Variants in NEK10 observed in about 807,000 individuals in gnomAD.
NEK10 encodes the protein NIMA related kinase 10.
NEK10 carries 122 observed loss-of-function variants against 159.8 expected under a neutral mutation model. The observed-to-expected ratio is 0.76, with a 90% CI of 0.66 to 0.89. The LOEUF (loss-of-function observed/expected upper bound fraction) is 0.89, where lower values mean the gene tolerates loss of function less well. Ranked by LOEUF, NEK10 falls within the 40% of genes least tolerant of loss-of-function variation. The pLI, the probability that NEK10 is intolerant of heterozygous loss-of-function variation, is 0.00. For missense variants in NEK10, 1,342 were observed against 1,323.1 expected, an observed-to-expected ratio of 1.01 and a Z score of -0.22; for synonymous variants, 466 against 457.1, an observed-to-expected ratio of 1.02 and a Z score of -0.25.
intron 35 of NEK10, among the ~76,000 whole-genome samples, chr3:27,112,985 T>C (rs1473302186): frequency 1.3e-5 from 2 of 152,242 alleles, no homozygotes; most frequent in African/African-American, 2.4e-5. Flanking sequence ...GTTTGTGGAT[T>C]AGTAGGTGCT....
chr3:27,205,211 T>G (rs1174985101), intron 23 of NEK10, among the ~76,000 whole-genome samples: 2 of 151,220 alleles, frequency 1.3e-5, no homozygotes, highest in Non-Finnish European at 3.0e-5. Flanking sequence ...TAAAAGAGGA[T>G]ACAAACAAAT....
intron 30 of NEK10, chr3:27,162,311 CAAACTAATAATGGTGA>C: frequency 3.7e-6 from 5 of 1,360,970 alleles, no homozygotes; most frequent in Non-Finnish European, 4.9e-6. Flanking sequence ...ATCAAATCGC[CAAACTAATAATGGTGA>C]ACAAACAAGG....
At chr3:27,207,227 AAAGAT>A (rs1334739022) in intron 23 of NEK10, among the ~76,000 whole-genome samples, 2 of 152,172 alleles carry the variant, frequency 1.3e-5, no homozygotes, top group Non-Finnish European at 2.9e-5. Flanking sequence ...TCTTTCCTCA[AAAGAT>A]AAGATGATAA....
intron 29 of NEK10, among the ~76,000 whole-genome samples, chr3:27,163,986 T>C (rs1946257041): frequency 6.6e-6 from 1 of 152,142 alleles, no homozygotes; most frequent in Non-Finnish European, 1.5e-5. Context: ...AATACCAAAA[T>C]CTTTGCATCC....
In NEK10 at chr3:27,327,582, A is replaced by G. The variant is rs1263348717; in HGVS notation, c.363-5321T>C. ...AGTAGCCAGGGTTTCAACTTCTTACACAGTAAGAGAAACAAATATGTGATG... is the reference window on the plus strand; with the variant it reads ...AGTAGCCAGGGTTTCAACTTCTTACGCAGTAAGAGAAACAAATATGTGATG... On this transcript the variant is annotated intron_variant, in intron 5 of 35. Coordinates refer to ENST00000691995, the MANE Select transcript of NEK10 (RefSeq NM_001394966.1). Among the ~76,000 whole-genome samples the G allele has an allele frequency of 3.3e-5, 5 of 152,174 alleles. No individual in the cohort carries two copies. The East Asian group carries it at 7.7e-4, about 23-fold the overall frequency.
intron 23 of NEK10, chr3:27,206,695 C>A (rs1575245566): frequency 1.1e-6 from 1 of 923,116 alleles, no homozygotes; most frequent in East Asian, 1.2e-4. Context: ...GGCTCTGTTA[C>A]AAACCACTGA....
At chr3:27,180,560 G>C (rs1273047883) in intron 26 of NEK10, among the ~76,000 whole-genome samples, 1 of 152,092 alleles carries the variant, frequency 6.6e-6, no homozygotes, top group African/African-American at 2.4e-5. Flanking sequence ...AATGCTTAAG[G>C]AATTAAAGAG....
chr3:27,310,514 T>C (rs1233878104), intron 9 of NEK10: 2 of 152,748 alleles, frequency 1.3e-5, no homozygotes, highest in Non-Finnish European at 2.9e-5. Flanking sequence ...GCTATAAATA[T>C]AGTCTGTTTT....
intron 31 of NEK10, among the ~76,000 whole-genome samples, chr3:27,135,896 G>A (rs753539696): frequency 2.6e-4 from 40 of 152,128 alleles, no homozygotes; most frequent in Admixed American, 2.6e-3. Flanking sequence ...AGATGAGCAG[G>A]TATGGATGGT....
Position 27,107,010 on chromosome 3 carries a change from G to A in NEK10, c.*4262C>T, listed in dbSNP as rs753668734. On this transcript the variant is annotated 3_prime_UTR_variant, in exon 36 of 36. Coordinates refer to ENST00000691995, the MANE Select transcript of NEK10 (RefSeq NM_001394966.1). ...AAAAAGGCAGTTTCTCATGTTTTGA[G>A]GAATAACATTCAGTTTTGAATTAAG... Among the ~76,000 whole-genome samples the A allele has an allele frequency of 6.6e-6, 1 of 152,032 alleles. No homozygotes were observed. The highest frequency in any genetic ancestry group is 1.5e-5 in the Non-Finnish European group (1 of 68,022).
At chr3:27,173,332 G>T (rs2148875987) in intron 28 of NEK10, among the ~76,000 whole-genome samples, 1 of 152,240 alleles carries the variant, frequency 6.6e-6, no homozygotes. Context: ...CACCATTGCT[G>T]CCAGGTATAT....
chr3:27,174,315 C>CT, intron 28 of NEK10, 124 bp downstream of exon 28: 1 of 1,466,278 alleles, frequency 6.8e-7, no homozygotes, highest in Middle Eastern at 2.5e-4. Context: ...TCCTAATTAG[C>CT]ACTGCACCTG....
intron 12 of NEK10, among the ~76,000 whole-genome samples, chr3:27,303,005 C>T (rs977243342): frequency 2.0e-5 from 3 of 152,146 alleles, no homozygotes; most frequent in Non-Finnish European, 4.4e-5. Context: ...ATACTCCAGC[C>T]ACAAGACAGC....
chr3:27,116,401 T>G (rs1940444349), intron 33 of NEK10, among the ~76,000 whole-genome samples: 1 of 151,830 alleles, frequency 6.6e-6, no homozygotes, highest in Non-Finnish European at 1.5e-5. Flanking sequence ...AAGTTAGAGG[T>G]GTGTGTGTGT....
At chr3:27,179,287 A>G (rs759687999) in intron 26 of NEK10, among the ~76,000 whole-genome samples, 2 of 152,212 alleles carry the variant, frequency 1.3e-5, no homozygotes, top group Non-Finnish European at 2.9e-5. Flanking sequence ...AACTTATTAA[A>G]TATTTACACA....
At chr3:27,302,797 G>C (rs576269439) in intron 12 of NEK10, among the ~76,000 whole-genome samples, 8 of 152,228 alleles carry the variant, frequency 5.3e-5, no homozygotes, top group Middle Eastern at 3.4e-3. Flanking sequence ...AATGAGCATG[G>C]GGAAGGTAAT....
intron 20 of NEK10, among the ~76,000 whole-genome samples, chr3:27,286,709 G>C (rs559758699): frequency 1.1e-4 from 17 of 151,946 alleles, no homozygotes; most frequent in African/African-American, 4.1e-4. Flanking sequence ...AGTTCTTTTT[G>C]GAAGCTGTCA....
intron 30 of NEK10, chr3:27,143,463 C>T: frequency 1.3e-6 from 1 of 761,364 alleles, no homozygotes; most frequent in African/African-American, 1.7e-5. Context: ...AAGAATGTGC[C>T]CATCTGTGGC....
intron 23 of NEK10, among the ~76,000 whole-genome samples, chr3:27,254,634 G>A (rs955733399): frequency 3.5e-4 from 32 of 90,330 alleles, no homozygotes; most frequent in Non-Finnish European, 7.5e-4. Context: ...AACTCGGAGA[G>A]ATGAGAGAAG....
Sources: allele counts gnomAD v4.1 joint callset (sites outside exome capture counted in the v4.1 genomes callset), GRCh38; gene constraint gnomAD v4.1.1; transcripts MANE v1.5; gene names NCBI Gene and HGNC (gene_info 2026-07-23, HGNC 2026-07-21).